NOTCH3: variants seen among roughly 807,000 people sequenced by gnomAD.
NOTCH3 encodes the protein notch receptor 3.
A neutral mutation model predicts 213.3 loss-of-function variants in NOTCH3; 86 were observed. That is an observed-to-expected ratio of 0.40 (90% CI 0.34 to 0.48). The LOEUF is 0.48. NOTCH3 is among the 20% of genes least tolerant of loss of function. NOTCH3 has a pLI of 0.57. For synonymous variants in NOTCH3, 1,354 were observed against 1,355.9 expected (o/e 1.00, Z 0.03); for missense variants, 2,783 against 3,272.6 (o/e 0.85, Z 3.65).
chr19:15,179,544 C>A, intron 20 of NOTCH3, 48 bp from the exon 21 acceptor site: 1 of 1,605,214 alleles, frequency 6.2e-7, no homozygotes, highest in Non-Finnish European at 8.5e-7. Flanking sequence ...GGGACACAGA[C>A]CCACCTGGAC....
At chr19:15,168,605 G>A (rs1206508601) in intron 28 of NOTCH3, among the ~76,000 whole-genome samples, 5 of 152,028 alleles carry the variant, frequency 3.3e-5, no homozygotes, top group Non-Finnish European at 5.9e-5. Context: ...ATGCCGAGGC[G>A]GGTGGATCAC....
chr19:15,178,891 G>T lies in NOTCH3; in HGVS notation c.3769C>A (p.His1257Asn). 4 of 1,612,578 alleles carry T rather than the reference G, an allele frequency of 2.5e-6. No individual in the cohort carries two copies. Among genetic ancestry groups the T allele is most frequent in the Non-Finnish European group, 3.4e-6 (4 of 1,179,434 alleles). Residue 1257 changes from histidine (H) to asparagine (N), a missense_variant, in exon 23 of 33, where the codon CAT becomes AAT. Transcript: ENST00000263388. Reference protein sequence around the residue: ...LSPCESQPCQHGGQCRPSPGP... With the variant: ...LSPCESQPCQNGGQCRPSPGP... ...GGGCTAGGACGGCACTGGCCTCCAT[G>T]CTGGCATGGCTGGGACTCGCAGGGA...
chr19:15,181,575 C>T lies in NOTCH3; in HGVS notation c.2792+1G>A. The T allele has an allele frequency of 2.6e-6, 4 of 1,550,276 alleles. No homozygotes were observed. The highest frequency in any genetic ancestry group is 3.5e-6 in the Non-Finnish European group (4 of 1,146,668). ...GCTCTCCAAGCAGAGGCCCCGCCCA[C>T]CTGGGGCTGCAGTCGGGCAGGTCCT... is the stretch of plus-strand genomic sequence containing the variant. On this transcript the variant is annotated splice_donor_variant, in intron 17 of 32. Transcript: ENST00000263388. LOFTEE classifies it high-confidence loss of function.
chr19:15,197,682 G>A, intron 1 of NOTCH3, 104 bp from the exon 2 acceptor site: 1 of 931,156 alleles, frequency 1.1e-6, no homozygotes, highest in Non-Finnish European at 1.7e-6. Flanking sequence ...AGCTGCATGG[G>A]GATGGGGGCG....
intron 16 of NOTCH3, among the ~76,000 whole-genome samples, chr19:15,182,684 C>T (rs897637133): frequency 4.0e-5 from 6 of 150,384 alleles, no homozygotes; most frequent in Admixed American, 2.0e-4. Flanking sequence ...CTCTTGTTGC[C>T]CAGGCTGGAG....
At chr19:15,199,355 C>T (rs1489557894) in intron 1 of NOTCH3, among the ~76,000 whole-genome samples, 3 of 152,104 alleles carry the variant, frequency 2.0e-5, no homozygotes, top group African/African-American at 7.2e-5. Flanking sequence ...GTATGTGAAC[C>T]GTGTAAATGG....
At chr19:15,178,218 C>A in intron 23 of NOTCH3, 128 bp from the exon 24 acceptor site, 1 of 619,918 alleles carries the variant, frequency 1.6e-6, no homozygotes, top group South Asian at 2.0e-5. Context: ...GAGGTCAAGA[C>A]TAAGGAAGGT....
At position 15,160,814 on chromosome 19, in the gene NOTCH3, T is replaced by C; in HGVS notation, c.6814A>G (p.Ser2272Gly). 6.2e-7 allele frequency: 1 copy of C among 1,613,768 alleles called. No homozygotes were observed. Among genetic ancestry groups the C allele is most frequent in the Non-Finnish European group, 8.5e-7 (1 of 1,179,866 alleles). The change falls in exon 33 of 33, where the codon AGC becomes GGC. Residue 2272 changes from serine (S) to glycine (G), a missense_variant. By Grantham distance (56) the Ser-to-Gly change is moderately conservative. Coordinates refer to ENST00000263388, the MANE Select transcript of NOTCH3 (RefSeq NM_000435.3). ...ATGGCCCCAGTGGCAGTGGCTGGGC[T>C]AGGCGTGGATTCGGACCAGTCTGAG... ...SLSDWSESTPSPATATGAMAT... is the reference protein window; with the variant it reads ...SLSDWSESTPGPATATGAMAT...
chr19:15,197,738 C>CG (rs1568364148), intron 1 of NOTCH3, among the ~76,000 whole-genome samples, 160 bp from the exon 2 acceptor site: 1 of 69,172 alleles, frequency 1.4e-5, no homozygotes, highest in Admixed American at 1.2e-4. Context: ...TCCCACGCCC[C>CG]CCCCCCCCCC....
intron 15 of NOTCH3, 33 bp downstream of exon 15, chr19:15,184,873 G>A: frequency 8.4e-7 from 1 of 1,197,438 alleles, no homozygotes; most frequent in Non-Finnish European, 1.2e-6. Context: ...AGAGGAGATG[G>A]AGAGGAGGAG....
In NOTCH3 at chr19:15,165,720, G is replaced by T; in HGVS notation, c.5667+67C>A. 6.4e-7 allele frequency: 1 copy of T among 1,563,584 alleles called. No homozygotes were observed. The highest frequency in any genetic ancestry group is 2.2e-5 in the East Asian group (1 of 44,506). On this transcript the variant is annotated intron_variant, in intron 30 of 32. Transcript: ENST00000263388. The surrounding 1 kb of genome is among the most constrained non-coding windows in gnomAD (Gnocchi z 4.7). ...AAAATGAGTCTGAAAGGCAGAACTG[G>T]GGCTCAAACCCAGGTAAGTCTAATG... is the stretch of plus-strand genomic sequence containing the variant.
At chr19:15,169,207 TCTCTCTCTCTCTCTCTCTC>T (rs1240929326) in intron 28 of NOTCH3, among the ~76,000 whole-genome samples, 13 of 10,846 alleles carry the variant, frequency 1.2e-3, no homozygotes, top group Non-Finnish European at 9.2e-3. Context: ...TCTCTCTCTC[TCTCTCTCTCTCTCTCTCTC>T]TCTCCCCTCT....
chr19:15,199,338 C>T (rs185048182), intron 1 of NOTCH3, among the ~76,000 whole-genome samples: 25 of 152,268 alleles, frequency 1.6e-4, no homozygotes, highest in Non-Finnish European at 3.1e-4. Flanking sequence ...GTCTGTTGTG[C>T]GTCTGTGTAT....
intron 24 of NOTCH3, among the ~76,000 whole-genome samples, chr19:15,175,619 G>GCACA (rs373596580): frequency 2.4e-5 from 3 of 122,752 alleles, no homozygotes; most frequent in African/African-American, 3.4e-5. Flanking sequence ...ACACACGCAC[G>GCACA]CACACACATA....
At chr19:15,169,781 C>T (rs571228841) in intron 28 of NOTCH3, among the ~76,000 whole-genome samples, 2 of 152,246 alleles carry the variant, frequency 1.3e-5, no homozygotes, top group South Asian at 2.1e-4. Flanking sequence ...TGGGGGGACA[C>T]CTCCAGGAAG....
intron 29 of NOTCH3, 95 bp downstream of exon 29, chr19:15,167,154 C>A: frequency 7.4e-7 from 1 of 1,357,420 alleles, no homozygotes; most frequent in East Asian, 2.3e-5. Flanking sequence ...AGCTTAGAGA[C>A]TCCCCCAGTT....
chr19:15,167,794 A>T (rs1568348446), intron 28 of NOTCH3, among the ~76,000 whole-genome samples: 3 of 151,956 alleles, frequency 2.0e-5, no homozygotes. Flanking sequence ...ACCTCAGGTG[A>T]TCAGCCCCTC....
intron 2 of NOTCH3, among the ~76,000 whole-genome samples, chr19:15,196,237 T>G (rs1018399808): frequency 9.2e-5 from 14 of 152,048 alleles, no homozygotes. Context: ...CGCGGGCTCA[T>G]TCACCTGTCG....
chr19:15,199,345 G>T (rs1261761295), intron 1 of NOTCH3, among the ~76,000 whole-genome samples: 2 of 152,210 alleles, frequency 1.3e-5, no homozygotes, highest in Non-Finnish European at 2.9e-5. Flanking sequence ...GTGCGTCTGT[G>T]TATGTGAACC....
Sources: allele counts gnomAD v4.1 joint callset (sites outside exome capture counted in the v4.1 genomes callset), GRCh38; gene constraint gnomAD v4.1.1; non-coding constraint Gnocchi (gnomAD v3.1); transcripts MANE v1.5; gene names NCBI Gene and HGNC (gene_info 2026-07-23, HGNC 2026-07-21).